Variants in MED27 observed in about 807,000 individuals in gnomAD.
The protein encoded by MED27 is mediator of RNA polymerase II transcription subunit 27.
A neutral mutation model predicts 38.2 loss-of-function variants in MED27; 30 were observed. The ratio of observed to expected loss-of-function variants is 0.79; its 90% CI spans 0.59 to 1.07. The LOEUF (loss-of-function observed/expected upper bound fraction) is 1.07. Among genes scored for constraint, MED27 ranks in the 50% least tolerant of loss-of-function variants. The pLI, the probability that MED27 is intolerant of heterozygous loss-of-function variation, is 0.00. For synonymous variants in MED27, 122 were observed against 153.5 expected, an observed-to-expected ratio of 0.79 and a Z score of 1.52; for missense variants, 289 against 397.5, an observed-to-expected ratio of 0.73 and a Z score of 2.32.
chr9:131,935,459 C>T (rs1830664943), intron 4 of MED27, among the ~76,000 whole-genome samples: 1 of 152,090 alleles, frequency 6.6e-6, no homozygotes, highest in Admixed American at 6.5e-5. Flanking sequence ...TGTAACCAAC[C>T]CCAACATGCC....
intron 6 of MED27, among the ~76,000 whole-genome samples, chr9:131,874,779 C>T (rs1838900002): frequency 6.6e-6 from 1 of 152,198 alleles, no homozygotes; most frequent in Admixed American, 6.5e-5. Context: ...TCAGTGCTTT[C>T]CAGATGGTAA....
chr9:131,880,448 AATTGTG>A (rs1839016632), intron 6 of MED27, among the ~76,000 whole-genome samples: 1 of 152,198 alleles, frequency 6.6e-6, no homozygotes, highest in Non-Finnish European at 1.5e-5. Flanking sequence ...CACCTCTCCC[AATTGTG>A]GTTCTTTAAT....
At chr9:132,038,139 A>G (rs1474134036) in intron 2 of MED27, among the ~76,000 whole-genome samples, 1 of 150,918 alleles carries the variant, frequency 6.6e-6, no homozygotes, top group Non-Finnish European at 1.5e-5. Context: ...TCATTCATTC[A>G]TTCAGCAAAT....
chr9:132,034,051 C>T (rs1031875268), intron 2 of MED27, among the ~76,000 whole-genome samples: 8 of 152,178 alleles, frequency 5.3e-5, no homozygotes, highest in African/African-American at 1.9e-4. Flanking sequence ...AGCAGCAACA[C>T]AGCACCAATA....
In MED27 at chr9:131,963,671, T is replaced by C. The variant is rs145082539; in HGVS notation, c.480-24197A>G. On this transcript the variant is annotated intron_variant, in intron 3 of 7. Coordinates refer to ENST00000292035, the MANE Select transcript of MED27 (RefSeq NM_004269.4). ...TGAGTATCTTTTTAAAACAAAGATA[T>C]ACTTACATTTATTCCTAACGAGAAA... Among the ~76,000 whole-genome samples the C allele has an allele frequency of 3.0e-4, 45 of 152,330 alleles. No homozygotes were observed. In the East Asian group the frequency reaches 7.5e-3, roughly 25 times the overall value.
rs749454621 is a variant in MED27, at chr9:131,883,590, G to A, written c.723+468C>T. 1.3e-5 allele frequency among the ~76,000 whole-genome samples: 2 copies of A among 152,158 alleles called. No individual in the cohort carries two copies. Among genetic ancestry groups the A allele is most frequent in the Non-Finnish European group, 2.9e-5 (2 of 68,028 alleles). ...CCTGCTTCCCTTGGCCCATCCCTTG[G>A]GCACCAGTGGAGACCGCTAGGGCTC... On this transcript the variant is annotated intron_variant, in intron 6 of 7. Transcript: ENST00000292035. The surrounding 1 kb of genome is among the most constrained non-coding windows in gnomAD (Gnocchi z 4.2).
chr9:132,024,729 T>C (rs926184774), intron 2 of MED27, among the ~76,000 whole-genome samples: 2 of 152,198 alleles, frequency 1.3e-5, no homozygotes, highest in African/African-American at 4.8e-5. Flanking sequence ...GACAATCGTC[T>C]AAGGCCTGCA....
chr9:132,022,530 T>C (rs1832738422), intron 2 of MED27, among the ~76,000 whole-genome samples: 2 of 152,196 alleles, frequency 1.3e-5, no homozygotes. Context: ...TTGAGCAGTC[T>C]GCGCTTGACT....
chr9:131,980,532 C>A (rs73555304), intron 3 of MED27, among the ~76,000 whole-genome samples: 191 of 151,890 alleles, frequency 1.3e-3, no homozygotes, highest in African/African-American at 4.6e-3. Flanking sequence ...GACCTTAGGG[C>A]AAAAAGGTAA....
chr9:131,961,382 CT>C (rs1831211383), intron 3 of MED27, among the ~76,000 whole-genome samples: 1 of 152,188 alleles, frequency 6.6e-6, no homozygotes, highest in Admixed American at 6.5e-5. Flanking sequence ...GAAATGCTCT[CT>C]GATATTTTTC....
rs926779621 is a variant in MED27, at chr9:131,939,327, G to A, written c.573+54C>T. 9.1e-6 allele frequency: 11 copies of A among 1,209,074 alleles called. No homozygotes were observed. The African/African-American group carries it at 1.5e-4, about 17-fold the overall frequency. 74.9% of individuals were successfully genotyped at this position (1,209,074 alleles called of 1,614,324 possible). A position where few individuals can be genotyped will look rare whatever the true frequency, so the allele number is the denominator to read the frequency against. Reference sequence around the variant, plus strand: ...ACAACACAGGACCAGAGAGTTAATTGTGAAGTCCATTTTTTCCCCCAACAT... The same window carrying A: ...ACAACACAGGACCAGAGAGTTAATTATGAAGTCCATTTTTTCCCCCAACAT... On this transcript the variant is annotated intron_variant, in intron 4 of 7. Transcript: ENST00000292035.
intron 2 of MED27, among the ~76,000 whole-genome samples, chr9:132,076,328 G>A (rs1305225088): frequency 1.3e-5 from 2 of 152,022 alleles, no homozygotes; most frequent in African/African-American, 4.8e-5. Context: ...AGAGTTTTGG[G>A]GAAAGGCTTT....
At chr9:131,898,298 G>A (rs550257210) in intron 4 of MED27, among the ~76,000 whole-genome samples, 3 of 151,972 alleles carry the variant, frequency 2.0e-5, no homozygotes, top group East Asian at 3.9e-4. Context: ...GCAGTGGGGT[G>A]ATCTTGGCTC....
chr9:131,992,577 T>A (rs546450192), intron 3 of MED27, among the ~76,000 whole-genome samples: 87 of 152,180 alleles, frequency 5.7e-4, no homozygotes, highest in African/African-American at 1.8e-3. Flanking sequence ...TTTAAAAAAA[T>A]TTTTGTAGAG....
chr9:132,028,110 T>C (rs1173492604), intron 2 of MED27, among the ~76,000 whole-genome samples: 1 of 152,160 alleles, frequency 6.6e-6, no homozygotes, highest in East Asian at 1.9e-4. Context: ...TCTGGTTGGC[T>C]TCCTTTCTGT....
chr9:131,922,797 A>G (rs1215366931), intron 4 of MED27, among the ~76,000 whole-genome samples: 1 of 152,060 alleles, frequency 6.6e-6, no homozygotes, highest in Non-Finnish European at 1.5e-5. Context: ...TATGTTTAGT[A>G]GAGACGGGGT....
chr9:132,027,325 C>T (rs530841666), intron 2 of MED27, among the ~76,000 whole-genome samples: 2 of 152,240 alleles, frequency 1.3e-5, no homozygotes, highest in Non-Finnish European at 2.9e-5. Context: ...TGCAGCCCAC[C>T]GCAGCCCAAC....
chr9:131,892,558 A>G (rs2131501464), intron 5 of MED27, among the ~76,000 whole-genome samples: 1 of 152,260 alleles, frequency 6.6e-6, no homozygotes, highest in South Asian at 2.1e-4. Context: ...TCAACTCTCC[A>G]ATTCGTTTGT....
At chr9:131,984,061 T>A (rs1243151298) in intron 3 of MED27, among the ~76,000 whole-genome samples, 1 of 152,062 alleles carries the variant, frequency 6.6e-6, no homozygotes, top group African/African-American at 2.4e-5. Flanking sequence ...CTGTTCCCCA[T>A]CCTCTGTGTT....
Sources: allele counts gnomAD v4.1 joint callset (sites outside exome capture counted in the v4.1 genomes callset), GRCh38; gene constraint gnomAD v4.1.1; non-coding constraint Gnocchi (gnomAD v3.1); transcripts MANE v1.5; gene names NCBI Gene and HGNC (gene_info 2026-07-23, HGNC 2026-07-21).